The following GAD1 variants were observed in gnomAD, a reference collection of about 807,000 sequenced individuals.
GAD1 encodes the protein 67 kDa glutamic acid decarboxylase.
A neutral mutation model predicts 75.2 loss-of-function variants in GAD1; 35 were observed. That is an observed-to-expected ratio of 0.47 (90% CI 0.36 to 0.62). GAD1 has a LOEUF of 0.62. GAD1 is among the 20% of genes least tolerant of loss of function. GAD1 has a pLI of 0.00. For synonymous variants in GAD1, 257 were observed against 271.9 expected (o/e 0.95, Z 0.54); for missense variants, 490 against 758.5 (o/e 0.65, Z 4.16).
chr2:170,820,035 C>T (rs1296924996), intron 2 of GAD1, among the ~76,000 whole-genome samples: 2 of 152,244 alleles, frequency 1.3e-5, no homozygotes, highest in Admixed American at 1.3e-4. Context: ...AGCATATGAA[C>T]CAGGCACCGG....
chr2:170,841,058 G>GA (rs1702506110), intron 6 of GAD1, among the ~76,000 whole-genome samples: 1 of 152,190 alleles, frequency 6.6e-6, no homozygotes, highest in East Asian at 1.9e-4. Context: ...GTCACTCCAT[G>GA]AATGCCACCA....
rs1478411597 is a variant in GAD1, at chr2:170,856,233, A to G, written c.1414-785A>G. On this transcript the variant is annotated intron_variant, in intron 14 of 16. Transcript: ENST00000358196. Reference sequence around the variant, plus strand: ...CACCGACCCACTCAACAACCCTCATACTGCTGTTATTAATCAGCCATGCTG... The same window carrying G: ...CACCGACCCACTCAACAACCCTCATGCTGCTGTTATTAATCAGCCATGCTG... 3.3e-5 allele frequency among the ~76,000 whole-genome samples: 5 copies of G among 152,290 alleles called. 1 individual carries two copies. In the Middle Eastern group the frequency reaches 0.01, roughly 311 times the overall value.
chr2:170,832,772 G>A (rs1015989814), intron 5 of GAD1, among the ~76,000 whole-genome samples: 11 of 150,990 alleles, frequency 7.3e-5, no homozygotes, highest in African/African-American at 2.0e-4. Flanking sequence ...TATTTCCAGT[G>A]GGAGTCCTTG....
intron 11 of GAD1, 65 bp downstream of exon 11, chr2:170,847,857 C>A: frequency 9.6e-7 from 1 of 1,046,564 alleles, no homozygotes; most frequent in Non-Finnish European, 1.5e-6. Flanking sequence ...TTATGACTTG[C>A]CTCAAGCTTC....
chr2:170,848,009 C>G (rs45470996), intron 11 of GAD1, among the ~76,000 whole-genome samples: 60 of 152,318 alleles, frequency 3.9e-4, no homozygotes, highest in African/African-American at 1.4e-3. Context: ...TAGTCGATTG[C>G]TGTCTTCTGT....
chr2:170,846,189 C>A, intron 10 of GAD1, 126 bp downstream of exon 10: 1 of 848,346 alleles, frequency 1.2e-6, no homozygotes, highest in South Asian at 1.5e-5. Flanking sequence ...TTCAAATTTG[C>A]TTATTTCCAA....
chr2:170,854,656 C>T (rs563986052), intron 14 of GAD1, among the ~76,000 whole-genome samples: 1 of 152,322 alleles, frequency 6.6e-6, no homozygotes, highest in Non-Finnish European at 1.5e-5. Flanking sequence ...CCGCCCACCT[C>T]GGCCTCCCAA....
chr2:170,859,856 A>C lies in GAD1; in HGVS notation c.1759A>C (p.Ile587Leu). 6.2e-7 allele frequency: 1 copy of C among 1,614,176 alleles called. No individual in the cohort carries two copies. Among genetic ancestry groups the C allele is most frequent in the East Asian group, 2.2e-5 (1 of 44,878 alleles). Residue 587 changes from isoleucine to leucine, a missense_variant, in exon 17 of 17, where the codon ATA becomes CTA. By Grantham distance (5) the Ile-to-Leu change is conservative (BLOSUM62 2). Transcript: ENST00000358196. Reference sequence around the variant, plus strand: ...TGACATTGACTTCCTCATTGAGGAGATAGAAAGACTGGGCCAGGATCTGTA... The same window carrying C: ...TGACATTGACTTCCTCATTGAGGAGCTAGAAAGACTGGGCCAGGATCTGTA... The part of the protein sequence containing the change: ...QSDIDFLIEE[I>L]ERLGQDL
intron 15 of GAD1, 60 bp downstream of exon 15, chr2:170,857,185 C>T: frequency 7.5e-7 from 1 of 1,331,558 alleles, no homozygotes; most frequent in Non-Finnish European, 1.1e-6. Context: ...GAGGGAAGCT[C>T]CTGAAGCTTC....
In GAD1 at chr2:170,853,773, C is replaced by T. The variant is rs1702795431; in HGVS notation, c.1264-100C>T. 7.0e-6 allele frequency: 8 copies of T among 1,136,188 alleles called. No individual in the cohort carries two copies. The highest frequency in any genetic ancestry group is 8.0e-6 in the Non-Finnish European group (6 of 749,724). The allele number at this position is 1,136,188 out of a possible 1,614,324, so 70.4% of individuals were successfully genotyped here. A position where few individuals can be genotyped will look rare whatever the true frequency, so the allele number is the denominator to read the frequency against. On this transcript the variant is annotated intron_variant, in intron 13 of 16. Transcript: ENST00000358196. The surrounding 1 kb of genome is among the most constrained non-coding windows in gnomAD (Gnocchi z 4.1). ...CATAAAGACATCAGAAGAAAGATTG[C>T]ATATGACCCCAAGCCCCTCCTTCCA...
At chr2:170,822,227 A>C in intron 3 of GAD1, 78 bp downstream of exon 3, 1 of 1,189,672 alleles carries the variant, frequency 8.4e-7, no homozygotes, top group Non-Finnish European at 1.2e-6. Context: ...CTGGGACGCA[A>C]GCGGAGGGGG....
chr2:170,835,867 T>C (rs1160770759), intron 5 of GAD1, among the ~76,000 whole-genome samples: 1 of 152,228 alleles, frequency 6.6e-6, no homozygotes, highest in Non-Finnish European at 1.5e-5. Context: ...ATAGTCCACA[T>C]GAATATCTAG....
intron 2 of GAD1, among the ~76,000 whole-genome samples, chr2:170,821,335 AC>A (rs1195417544): frequency 6.6e-6 from 1 of 151,910 alleles, no homozygotes; most frequent in East Asian, 1.9e-4. Context: ...ATCCAGCAGC[AC>A]CTCCACCCTC....
At chr2:170,855,516 A>G (rs1234036614) in intron 14 of GAD1, among the ~76,000 whole-genome samples, 1 of 150,454 alleles carries the variant, frequency 6.6e-6, no homozygotes, top group Non-Finnish European at 1.5e-5. Flanking sequence ...CTCTATTTTG[A>G]CTTAATATAG....
chr2:170,830,609 A>G (rs1702197010), intron 4 of GAD1, among the ~76,000 whole-genome samples: 1 of 152,248 alleles, frequency 6.6e-6, no homozygotes. Context: ...ACCTGGTCCC[A>G]GGGGAGCACG....
rs539657238 is a variant in GAD1, at chr2:170,845,510, C to A, written c.756C>A (p.Gly252=). The change falls in exon 8 of 17, where the codon GGC becomes GGA. Residue 252 remains glycine, a synonymous_variant. Transcript: ENST00000358196. ...AATATGTCCGCTTGCTGACAGGGGG[C>A]GCCATATCCAACATGTACAGCATCA... The part of the protein sequence containing the change: ...KDGDGIFSPG[G]AISNMYSIMA... The A allele has an allele frequency of 5.6e-6, 9 of 1,613,042 alleles. No homozygotes were observed. The highest frequency in any genetic ancestry group is 5.3e-5 in the African/African-American group (4 of 75,002).
At chr2:170,829,836 G>T in intron 4 of GAD1, 1 of 591,606 alleles carries the variant, frequency 1.7e-6, no homozygotes, top group African/African-American at 1.9e-5. Context: ...TTTGGAAACT[G>T]GATGAAGGCA....
chr2:170,829,574 G>T lies in GAD1; in HGVS notation c.245G>T (p.Ser82Ile), dbSNP rs1702168344. The T allele has an allele frequency of 6.2e-7, 1 of 1,613,944 alleles. No individual in the cohort carries two copies. The highest frequency in any genetic ancestry group is 2.2e-5 in the East Asian group (1 of 44,878). ...AAGAACCTGCTTTCCTGTGAAAACA[G>T]CGACCGGGATGCCCGCTTCCGGCGC... ...SSKNLLSCEN[S>I]DRDARFRRTE... The change falls in exon 4 of 17, where the codon AGC becomes ATC. Residue 82 changes from serine (S) to isoleucine (I), a missense_variant. This residue lies in a region of GAD1 where 165 missense variants were observed against 216.4 expected (regional missense o/e 0.76). Coordinates refer to ENST00000358196, the MANE Select transcript of GAD1 (RefSeq NM_000817.3).
At chr2:170,855,066 A>G (rs909756221) in intron 14 of GAD1, among the ~76,000 whole-genome samples, 4 of 152,156 alleles carry the variant, frequency 2.6e-5, no homozygotes, top group Non-Finnish European at 5.9e-5. Flanking sequence ...ATTAATTTTA[A>G]TAATTTCTAT....
Sources: allele counts gnomAD v4.1 joint callset (sites outside exome capture counted in the v4.1 genomes callset), GRCh38; gene constraint gnomAD v4.1.1; regional missense constraint gnomAD v4.1.1; non-coding constraint Gnocchi (gnomAD v3.1); transcripts MANE v1.5; gene names NCBI Gene and HGNC (gene_info 2026-07-23, HGNC 2026-07-21).